Variants in CCDC63 observed in about 807,000 individuals in gnomAD.
CCDC63 encodes the protein coiled-coil domain-containing protein 63.
In CCDC63, 54 loss-of-function variants were observed where a neutral mutation model predicts 63.6. The ratio of observed to expected loss-of-function variants is 0.85; its 90% CI spans 0.68 to 1.07. The LOEUF is 1.07. Among genes scored for constraint, CCDC63 ranks in the 50% least tolerant of loss-of-function variants. The probability of loss-of-function intolerance (pLI) is 0.00; values close to 1 mark genes in which losing one functional copy is unlikely to be tolerated. For missense variants in CCDC63, 637 were observed against 689.6 expected, an observed-to-expected ratio of 0.92 and a Z score of 0.86; for synonymous variants, 253 against 266.1, an observed-to-expected ratio of 0.95 and a Z score of 0.48.
At chr12:110,853,935 G>C (rs2070737694) in intron 3 of CCDC63, among the ~76,000 whole-genome samples, 1 of 152,156 alleles carries the variant, frequency 6.6e-6, no homozygotes, top group Non-Finnish European at 1.5e-5. Flanking sequence ...GTGGGAAGTG[G>C]CTGCTCCAGC....
intron 8 of CCDC63, among the ~76,000 whole-genome samples, chr12:110,888,334 T>G (rs2071311412): frequency 6.6e-6 from 1 of 152,124 alleles, no homozygotes; most frequent in African/African-American, 2.4e-5. Flanking sequence ...CAGCTGAATA[T>G]CCTGACCTGA....
intron 4 of CCDC63, among the ~76,000 whole-genome samples, chr12:110,869,742 C>T (rs1032082916): frequency 6.6e-6 from 1 of 152,184 alleles, no homozygotes; most frequent in South Asian, 2.1e-4. Flanking sequence ...AACATTTTTT[C>T]CTGCCAGCCA....
chr12:110,850,918 C>T (rs111849486), intron 1 of CCDC63, among the ~76,000 whole-genome samples: 7 of 152,290 alleles, frequency 4.6e-5, no homozygotes, highest in African/African-American at 1.4e-4. Context: ...GCCCAGAATA[C>T]GCCCCCAACC....
Position 110,858,683 on chromosome 12 carries a change from T to C in CCDC63, c.277T>C (p.Tyr93His), listed in dbSNP as rs774153586. 1.2e-6 allele frequency: 2 copies of C among 1,613,900 alleles called. No individual in the cohort carries two copies. Among genetic ancestry groups the C allele is most frequent in the African/African-American group, 2.7e-5 (2 of 74,898 alleles). ...GAACATGAATCGGAGTGAGAAGAAC[T>C]ACATGGAGCTGCGACTCCTGCTCCA... The part of the protein sequence containing the change: ...SRNMNRSEKN[Y>H]MELRLLLQTK... The change falls in exon 4 of 12, where the codon TAC (tyrosine) becomes CAC (histidine). Residue 93 changes from tyrosine (Y) to histidine (H), a missense_variant. By Grantham distance (83) the Tyr-to-His change is moderately conservative. Transcript: ENST00000308208.
At chr12:110,873,763 C>G in intron 4 of CCDC63, 79 bp from the exon 5 acceptor site, 1 of 1,546,542 alleles carries the variant, frequency 6.5e-7, no homozygotes, top group East Asian at 2.3e-5. Flanking sequence ...TCTGAGCACA[C>G]TTCAGTTAGT....
intron 4 of CCDC63, among the ~76,000 whole-genome samples, chr12:110,865,464 C>A (rs1417644111): frequency 1.4e-3 from 146 of 102,258 alleles, no homozygotes; most frequent in South Asian, 2.0e-3. Flanking sequence ...CAGCATATAC[C>A]AAAAAAAAAA....
upstream of CCDC63, chr12:110,846,724 G>C (rs2070641565): frequency 6.6e-6 from 1 of 152,330 alleles, no homozygotes; most frequent in African/African-American, 2.4e-5. Flanking sequence ...GGCGTTGGCC[G>C]AGGGAGGGGC....
intron 10 of CCDC63, among the ~76,000 whole-genome samples, chr12:110,902,312 C>T (rs942118722): frequency 2.6e-5 from 4 of 152,216 alleles, no homozygotes; most frequent in Admixed American, 6.5e-5. Flanking sequence ...CAGGTTCTTT[C>T]TAGCCTGGCC....
chr12:110,904,604 G>A lies in CCDC63; in HGVS notation c.1359G>A (p.Lys453=), dbSNP rs1198862748. Residue 453 remains lysine, a synonymous_variant, in exon 11 of 12, where the codon AAG becomes AAA. Coordinates refer to ENST00000308208, the MANE Select transcript of CCDC63 (RefSeq NM_152591.3). ...LPQYFAIIEK[K]TNDLLLLETY... ...GTTCTCCAGCCATCATTGAAAAGAA[G>A]ACCAACGACCTGCTGCTGTTGGAGA... 1 of 1,614,002 alleles carries A rather than the reference G, an allele frequency of 6.2e-7. No homozygotes were observed. Among genetic ancestry groups the A allele is most frequent in the Admixed American group, 1.7e-5 (1 of 59,992 alleles).
chr12:110,895,981 C>T (rs1304146386), intron 9 of CCDC63, among the ~76,000 whole-genome samples: 2 of 151,990 alleles, frequency 1.3e-5, no homozygotes, highest in Non-Finnish European at 2.9e-5. Context: ...GAAAACTAGG[C>T]CGATTATGAG....
intron 9 of CCDC63, among the ~76,000 whole-genome samples, chr12:110,895,080 A>T (rs1398728954): frequency 6.6e-6 from 1 of 151,426 alleles, no homozygotes; most frequent in Admixed American, 6.6e-5. Context: ...TGCCGAGATA[A>T]CTTTAATTTT....
At chr12:110,875,214 G>C (rs923581216) in intron 5 of CCDC63, among the ~76,000 whole-genome samples, 5 of 152,110 alleles carry the variant, frequency 3.3e-5, no homozygotes, top group Non-Finnish European at 5.9e-5. Flanking sequence ...TAGGATATGG[G>C]TTAAAAATAC....
At chr12:110,857,315 T>TG (rs1420212973) in intron 3 of CCDC63, among the ~76,000 whole-genome samples, 3 of 150,658 alleles carry the variant, frequency 2.0e-5, no homozygotes, top group Non-Finnish European at 4.4e-5. Flanking sequence ...TTACTAGAGA[T>TG]GGGGTTTCAC....
rs567266236 is a variant in CCDC63 at position 110,872,627 on chromosome 12, T to TTTTG, written c.370-1203_370-1200dup. Among the ~76,000 whole-genome samples the TTTTG allele has an allele frequency of 4.1e-4, 62 of 152,208 alleles. No individual in the cohort carries two copies. The East Asian group carries it at 0.011, about 28-fold the overall frequency. On this transcript the variant is annotated intron_variant, in intron 4 of 11. Transcript: ENST00000308208. ...GTGTACATAGAAAAGATAGTTGTGT[T>TTTTG]TTTGTTTGTTTGTTTTTTTAAGATA...
At chr12:110,877,011 C>A (rs143078557) in intron 5 of CCDC63, among the ~76,000 whole-genome samples, 1 of 151,810 alleles carries the variant, frequency 6.6e-6, no homozygotes, top group Non-Finnish European at 1.5e-5. Context: ...CAGAGCGAGA[C>A]CCTGTTTCAT....
intron 4 of CCDC63, among the ~76,000 whole-genome samples, chr12:110,873,027 A>T (rs1166730456): frequency 6.6e-6 from 1 of 152,200 alleles, no homozygotes; most frequent in Admixed American, 6.5e-5. Context: ...TGAGGCCAGG[A>T]GTTCGAAACC....
At chr12:110,846,747 T>C (rs1020319222), upstream of CCDC63, 1 of 152,172 alleles carries the variant, frequency 6.6e-6, no homozygotes, top group Non-Finnish European at 1.5e-5. Flanking sequence ...AGACTGTTGA[T>C]TGACTCAAGA....
chr12:110,845,179 G>T (rs1391876803), upstream of CCDC63, among the ~76,000 whole-genome samples: 1 of 152,162 alleles, frequency 6.6e-6, no homozygotes, highest in African/African-American at 2.4e-5. Flanking sequence ...TAAATTCGTC[G>T]GAGGAAGGTC....
chr12:110,906,009 A>AAAATATATATTATATTATATAAT lies in CCDC63; in HGVS notation c.1546+1219_1546+1220insAATATATATTATATTATATAATA, dbSNP rs1566144721. Reference sequence around the variant, plus strand: ...TATATTATTATAATATATATTATATAATATAATATATATTATATATTATAA... The same window carrying AAAATATATATTATATTATATAAT: ...TATATTATTATAATATATATTATATAAAATATATATTATATTATATAATATATAATATATATTATATATTATAA... On this transcript the variant is annotated intron_variant, in intron 11 of 11. Coordinates refer to ENST00000308208, the MANE Select transcript of CCDC63 (RefSeq NM_152591.3). Among the ~76,000 whole-genome samples, 14 of 49,210 alleles carry AAAATATATATTATATTATATAAT rather than the reference A, an allele frequency of 2.8e-4. 1 individual carries two copies. The highest frequency in any genetic ancestry group is 1.2e-3 in the African/African-American group (14 of 12,136). 32.3% of individuals were successfully genotyped at this position (49,210 alleles called of 152,430 possible).
Sources: allele counts gnomAD v4.1 joint callset (sites outside exome capture counted in the v4.1 genomes callset), GRCh38; gene constraint gnomAD v4.1.1; transcripts MANE v1.5; gene names NCBI Gene and HGNC (gene_info 2026-07-23, HGNC 2026-07-21).